The following GPC5 variants were observed in gnomAD, a reference collection of about 807,000 sequenced individuals.
GPC5 encodes the protein glypican-5.
A neutral mutation model predicts 53.9 loss-of-function variants in GPC5; 47 were observed. That is an observed-to-expected ratio of 0.87 (90% CI 0.69 to 1.11). The LOEUF is 1.11. GPC5 is among the 50% of genes most tolerant of loss of function. GPC5 has a pLI of 0.00. For synonymous variants in GPC5, 286 were observed against 263.3 expected (o/e 1.09, Z -0.84); for missense variants, 748 against 713.1 (o/e 1.05, Z -0.56).
At chr13:91,704,399 C>A (rs918598189) in intron 3 of GPC5, among the ~76,000 whole-genome samples, 3 of 152,228 alleles carry the variant, frequency 2.0e-5, no homozygotes, top group Admixed American at 2.0e-4. Flanking sequence ...ATGACCCACC[C>A]CCGCCACAGA....
intron 7 of GPC5, among the ~76,000 whole-genome samples, chr13:92,528,984 T>C (rs1881460613): frequency 6.6e-6 from 1 of 152,126 alleles, no homozygotes; most frequent in Non-Finnish European, 1.5e-5. Flanking sequence ...TGTACTGCAT[T>C]ATTACTGCAC....
chr13:92,247,830 C>T (rs1201054132), intron 7 of GPC5, among the ~76,000 whole-genome samples: 1 of 152,112 alleles, frequency 6.6e-6, no homozygotes, highest in African/African-American at 2.4e-5. Context: ...CCTGGTTTCT[C>T]ACCAAATAAT....
intron 7 of GPC5, among the ~76,000 whole-genome samples, chr13:92,835,458 A>G (rs1878190674): frequency 6.6e-6 from 1 of 151,988 alleles, no homozygotes; most frequent in African/African-American, 2.4e-5. Flanking sequence ...TGATTTTCTC[A>G]GTCAATAGCA....
intron 7 of GPC5, chr13:92,719,902 G>T (rs1194213941): frequency 1.3e-5 from 2 of 152,142 alleles, no homozygotes; most frequent in African/African-American, 4.8e-5. Flanking sequence ...ATGGGAAAAT[G>T]AATACCTTCC....
chr13:91,769,799 A>C (rs1342858622), intron 5 of GPC5, among the ~76,000 whole-genome samples: 2 of 152,110 alleles, frequency 1.3e-5, no homozygotes, highest in Non-Finnish European at 2.9e-5. Context: ...CTGTATTCAC[A>C]CTCAACACAG....
At chr13:92,825,207 G>A (rs1877805717) in intron 7 of GPC5, among the ~76,000 whole-genome samples, 1 of 152,026 alleles carries the variant, frequency 6.6e-6, no homozygotes, top group South Asian at 2.1e-4. Context: ...TGCTATCTGA[G>A]GTTTCAGTTG....
At chr13:91,982,425 T>A (rs2040367780) in intron 6 of GPC5, among the ~76,000 whole-genome samples, 1 of 149,746 alleles carries the variant, frequency 6.7e-6, no homozygotes, top group South Asian at 2.1e-4. Context: ...AGATGAAAAA[T>A]AATATTGTAG....
At chr13:91,506,474 C>T (rs1326946587) in intron 2 of GPC5, among the ~76,000 whole-genome samples, 2 of 152,132 alleles carry the variant, frequency 1.3e-5, no homozygotes, top group Non-Finnish European at 2.9e-5. Flanking sequence ...GTCTCTTACT[C>T]ATCCTATTAA....
intron 7 of GPC5, among the ~76,000 whole-genome samples, chr13:92,836,381 A>G (rs1214363174): frequency 3.3e-5 from 5 of 152,078 alleles, no homozygotes; most frequent in African/African-American, 1.2e-4. Context: ...TGGATAGTCA[A>G]TTGTTCCAGA....
chr13:92,001,479 T>C (rs1384149601), intron 6 of GPC5, among the ~76,000 whole-genome samples: 3 of 152,184 alleles, frequency 2.0e-5, no homozygotes, highest in Non-Finnish European at 2.9e-5. Flanking sequence ...CTTTTCCAAG[T>C]TTCTCTCTTG....
chr13:91,858,887 G>T (rs1470033132), intron 5 of GPC5, among the ~76,000 whole-genome samples: 1 of 151,738 alleles, frequency 6.6e-6, no homozygotes, highest in Non-Finnish European at 1.5e-5. Flanking sequence ...TTGCTAGGTT[G>T]TATGTGTCTA....
intron 4 of GPC5, among the ~76,000 whole-genome samples, chr13:91,733,047 ATT>A (rs2036735991): frequency 6.6e-6 from 1 of 152,136 alleles, no homozygotes; most frequent in Non-Finnish European, 1.5e-5. Context: ...GTTTTTTCTA[ATT>A]CTGTGAAGAA....
At chr13:92,679,912 C>A (rs1441739367) in intron 7 of GPC5, among the ~76,000 whole-genome samples, 2 of 108,696 alleles carry the variant, frequency 1.8e-5, no homozygotes, top group African/African-American at 7.2e-5. Context: ...CCTTCTCTTT[C>A]AAGAGCGGAA....
chr13:91,814,079 C>T (rs376036160), intron 5 of GPC5, among the ~76,000 whole-genome samples: 5 of 151,552 alleles, frequency 3.3e-5, no homozygotes, highest in East Asian at 3.9e-4. Context: ...ACTACAGGCA[C>T]GTGCCACCAC....
intron 7 of GPC5, among the ~76,000 whole-genome samples, chr13:92,556,164 T>G (rs1295563742): frequency 6.6e-6 from 1 of 151,810 alleles, no homozygotes; most frequent in Non-Finnish European, 1.5e-5. Flanking sequence ...GTAAAATATC[T>G]CCTGCTTTTG....
chr13:92,312,752 T>A (rs1210357227), intron 7 of GPC5, among the ~76,000 whole-genome samples: 1 of 152,290 alleles, frequency 6.6e-6, no homozygotes, highest in East Asian at 1.9e-4. Flanking sequence ...TTATCTTCAT[T>A]TTTTATTAAC....
At chr13:92,288,753 A>T (rs1018424021) in intron 7 of GPC5, among the ~76,000 whole-genome samples, 1 of 152,176 alleles carries the variant, frequency 6.6e-6, no homozygotes, top group Non-Finnish European at 1.5e-5. Context: ...GTTATCAAAA[A>T]GTGATGGTCG....
intron 7 of GPC5, among the ~76,000 whole-genome samples, chr13:92,352,617 C>T (rs1276057038): frequency 6.6e-6 from 1 of 152,144 alleles, no homozygotes; most frequent in Non-Finnish European, 1.5e-5. Context: ...AATAACATTA[C>T]TGATCATGAA....
At chr13:92,644,754 C>T (rs1220745037) in intron 7 of GPC5, among the ~76,000 whole-genome samples, 2 of 151,892 alleles carry the variant, frequency 1.3e-5, no homozygotes, top group South Asian at 2.1e-4. Flanking sequence ...GTTTTTGGAA[C>T]ATGGTTAGCT....
Sources: gnomAD v4.1 joint callset for allele counts (sites outside exome capture counted in the v4.1 genomes callset) on GRCh38, gnomAD v4.1.1 for gene constraint, MANE v1.5 for transcripts, NCBI Gene and HGNC (gene_info 2026-07-23, HGNC 2026-07-21) for gene names.